Variants in ZSWIM3 observed in about 807,000 individuals in gnomAD.
ZSWIM3 encodes the protein zinc finger SWIM-type containing 3, also known as zinc finger SWIM domain-containing protein 3.
ZSWIM3 carries 27 observed loss-of-function variants against 47.5 expected under a neutral mutation model. The observed-to-expected ratio is 0.57, with a 90% CI of 0.42 to 0.78. ZSWIM3 has a LOEUF of 0.78. Ranked by LOEUF, ZSWIM3 falls within the 30% of genes least tolerant of loss-of-function variation. The probability of loss-of-function intolerance (pLI) is 0.00; values close to 1 mark genes in which losing one functional copy is unlikely to be tolerated. For synonymous variants in ZSWIM3, 333 were observed against 333.9 expected (o/e 1.00, Z 0.03); for missense variants, 689 against 861.3 (o/e 0.80, Z 2.50).
At position 45,877,225 on chromosome 20, in the gene ZSWIM3, C is replaced by G. The variant is rs939955030; in HGVS notation, c.667C>G (p.Leu223Val). 6.2e-7 allele frequency: 1 copy of G among 1,613,972 alleles called. No individual in the cohort carries two copies. Among genetic ancestry groups the G allele is most frequent in the Non-Finnish European group, 8.5e-7 (1 of 1,180,018 alleles). ...LFIRFPENLL[L>V]HRVENTQGHI... ...CATCCGCTTCCCAGAGAATCTCTTGCTACACCGGGTGGAGAACACCCAGGG... is the reference window on the plus strand; with the variant it reads ...CATCCGCTTCCCAGAGAATCTCTTGGTACACCGGGTGGAGAACACCCAGGG... The change falls in exon 2 of 2, where the codon CTA (leucine) becomes GTA (valine). Residue 223 changes from leucine to valine, a missense_variant. Physicochemically the swap from Leu to Val is conservative, Grantham distance 32. Transcript: ENST00000255152.
At chr20:45,875,293 C>G (rs912158107) in intron 1 of ZSWIM3, among the ~76,000 whole-genome samples, 1 of 152,090 alleles carries the variant, frequency 6.6e-6, no homozygotes, top group South Asian at 2.1e-4. Flanking sequence ...TCACCCGCCT[C>G]GGCCTCCCAA....
chr20:45,876,260 G>T (rs886137394), intron 1 of ZSWIM3, among the ~76,000 whole-genome samples: 5 of 151,864 alleles, frequency 3.3e-5, no homozygotes, highest in African/African-American at 1.2e-4. Flanking sequence ...AGTCAGGCTG[G>T]TCTTCAACTC....
At position 45,876,835 on chromosome 20, in the gene ZSWIM3, A is replaced by T; in HGVS notation, c.277A>T (p.Ile93Phe). The T allele has an allele frequency of 8.1e-6, 13 of 1,614,190 alleles. No homozygotes were observed. Among genetic ancestry groups the T allele is most frequent in the South Asian group, 1.1e-5 (1 of 91,086 alleles). The change falls in exon 2 of 2, where the codon ATC (isoleucine) becomes TTC (phenylalanine). Residue 93 changes from isoleucine (I) to phenylalanine (F), a missense_variant. Coordinates refer to ENST00000255152, the MANE Select transcript of ZSWIM3 (RefSeq NM_080752.4). ...RYNERLDRLF[I>F]SELNTQHIHG... is the part of the protein sequence containing the mutation. ...CAACGAGAGACTAGATAGACTATTT[A>T]TCAGTGAACTAAACACACAGCACAT...
In ZSWIM3 at chr20:45,877,573, G is replaced by C; in HGVS notation, c.1015G>C (p.Val339Leu). The C allele has an allele frequency of 1.2e-6, 2 of 1,614,202 alleles. No individual in the cohort carries two copies. The highest frequency in any genetic ancestry group is 1.7e-6 in the Non-Finnish European group (2 of 1,180,040). ...RLMKEALREA[V>L]FVTSEASLKN... Reference sequence around the variant, plus strand: ...CATGAAGGAAGCCCTGCGGGAGGCCGTGTTTGTCACTTCTGAAGCCAGCCT... The same window carrying C: ...CATGAAGGAAGCCCTGCGGGAGGCCCTGTTTGTCACTTCTGAAGCCAGCCT... Residue 339 changes from valine to leucine, a missense_variant, in exon 2 of 2, where the codon GTG (valine) becomes CTG (leucine). Coordinates refer to ENST00000255152, the MANE Select transcript of ZSWIM3 (RefSeq NM_080752.4).
chr20:45,862,307 C>G (rs944395228), intron 1 of ZSWIM3, among the ~76,000 whole-genome samples: 2 of 151,142 alleles, frequency 1.3e-5, no homozygotes, highest in East Asian at 2.0e-4. Context: ...ACCACCCCAC[C>G]CAGCTAATTT....
In ZSWIM3 at chr20:45,877,230, C is replaced by G; in HGVS notation, c.672C>G (p.His224Gln). 1 of 1,614,066 alleles carries G rather than the reference C, an allele frequency of 6.2e-7. No homozygotes were observed. Among genetic ancestry groups the G allele is most frequent in the Non-Finnish European group, 8.5e-7 (1 of 1,180,004 alleles). Residue 224 changes from histidine (H) to glutamine (Q), a missense_variant, in exon 2 of 2, where the codon CAC becomes CAG. By Grantham distance (24) the His-to-Gln change is conservative. Coordinates refer to ENST00000255152, the MANE Select transcript of ZSWIM3 (RefSeq NM_080752.4). ...FIRFPENLLL[H>Q]RVENTQGHIL... ...GCTTCCCAGAGAATCTCTTGCTACA[C>G]CGGGTGGAGAACACCCAGGGCCACA... is the stretch of plus-strand genomic sequence containing the variant.
intron 1 of ZSWIM3, among the ~76,000 whole-genome samples, chr20:45,869,043 C>A (rs1392428496): frequency 3.3e-5 from 5 of 151,906 alleles, no homozygotes; most frequent in African/African-American, 1.2e-4. Flanking sequence ...CTCAGGTGAT[C>A]CACCCGCCTC....
At position 45,857,691 on chromosome 20, in the gene ZSWIM3, AC is replaced by A; in HGVS notation, c.-132del. 9.1e-7 allele frequency: 1 copy of A among 1,100,972 alleles called. No homozygotes were observed. The highest frequency in any genetic ancestry group is 1.3e-6 in the Non-Finnish European group (1 of 760,192). The allele number at this position is 1,100,972 out of a possible 1,614,324, so 68.2% of individuals were successfully genotyped here. On this transcript the variant is annotated 5_prime_UTR_variant, in exon 1 of 2. Coordinates refer to ENST00000255152, the MANE Select transcript of ZSWIM3 (RefSeq NM_080752.4). ...TCCTCCCTGAGTTCCAGAATAGGCC[AC>A]CCAGTTGGGGCGGACCCTTAAGGCA...
intron 1 of ZSWIM3, among the ~76,000 whole-genome samples, chr20:45,873,646 C>G (rs1196558494): frequency 6.6e-6 from 1 of 152,186 alleles, no homozygotes; most frequent in Admixed American, 6.5e-5. Context: ...ATCTTAATAA[C>G]AACCATAAGA....
rs776406063 is a variant in ZSWIM3 at position 45,878,360 on chromosome 20, G to A, written c.1802G>A (p.Arg601His). The A allele has an allele frequency of 9.3e-6, 15 of 1,614,232 alleles. No individual in the cohort carries two copies. The highest frequency in any genetic ancestry group is 1.6e-4 in the Middle Eastern group (1 of 6,062). The change falls in exon 2 of 2, where the codon CGT (arginine) becomes CAT (histidine). Residue 601 changes from arginine to histidine, a missense_variant. Transcript: ENST00000255152. ...GGGCCCAATGGGGAGCTCCAGGATC[G>A]TGGTATGGTCCCAAACACAGGCCAG... Reference protein sequence around the residue: ...LLGPNGELQDRGMVPNTGQPE... With the variant: ...LLGPNGELQDHGMVPNTGQPE...
rs770609478 is a variant in ZSWIM3, at chr20:45,878,520, C to A, written c.1962C>A (p.Gly654=). 1 of 1,614,220 alleles carries A rather than the reference C, an allele frequency of 6.2e-7. No homozygotes were observed. The highest frequency in any genetic ancestry group is 2.2e-5 in the East Asian group (1 of 44,888). Residue 654 remains glycine, a synonymous_variant, in exon 2 of 2, where the codon GGC becomes GGA. Transcript: ENST00000255152. ...GCAAGATTGTGGATATCTGGGCTGG[C>A]CCCTCCCAGCCATCTGAGCTCTTTC... The part of the protein sequence containing the change: ...TLRKIVDIWA[G]PSQPSELFQQ...
At chr20:45,872,620 T>G in intron 1 of ZSWIM3, 4 of 956,540 alleles carry the variant, frequency 4.2e-6, no homozygotes, top group Non-Finnish European at 5.6e-6. Flanking sequence ...TGCACAAAGG[T>G]GAGACAGAGC....
Position 45,878,509 on chromosome 20 carries a change from A to G in ZSWIM3, c.1951A>G (p.Ile651Val), listed in dbSNP as rs1038020173. 4 of 1,614,102 alleles carry G rather than the reference A, an allele frequency of 2.5e-6. No homozygotes were observed. The highest frequency in any genetic ancestry group is 3.4e-6 in the Non-Finnish European group (4 of 1,180,050). ...CTCCACCCTGCGCAAGATTGTGGAT[A>G]TCTGGGCTGGCCCCTCCCAGCCATC... ...RYSTLRKIVD[I>V]WAGPSQPSEL... The change falls in exon 2 of 2, where the codon ATC (isoleucine) becomes GTC (valine). Residue 651 changes from isoleucine (I) to valine (V), a missense_variant. Transcript: ENST00000255152.
At chr20:45,872,689 A>G in intron 1 of ZSWIM3, 1 of 1,281,992 alleles carries the variant, frequency 7.8e-7, no homozygotes, top group Non-Finnish European at 1.0e-6. Context: ...AAACAAGGTG[A>G]TGAAAACAAG....
chr20:45,867,264 C>T (rs1985868861), intron 1 of ZSWIM3, among the ~76,000 whole-genome samples: 1 of 152,076 alleles, frequency 6.6e-6, no homozygotes, highest in South Asian at 2.1e-4. Context: ...ACCTCAGCCT[C>T]CCAAAGTTCT....
chr20:45,878,328 C>G lies in ZSWIM3; in HGVS notation c.1770C>G (p.Tyr590Ter). 1 of 1,614,246 alleles carries G rather than the reference C, an allele frequency of 6.2e-7. No homozygotes were observed. Among genetic ancestry groups the G allele is most frequent in the Non-Finnish European group, 8.5e-7 (1 of 1,180,050 alleles). The change falls in exon 2 of 2, where the codon TAC (tyrosine) becomes TAG (stop). Residue 590 changes from tyrosine (Y) to a stop codon, truncating the protein, a stop_gained. Transcript: ENST00000255152. LOFTEE classifies it high-confidence loss of function. ...GCCGGTGGCAGAAGAAGTACCAGTACCTCCTTGGGCCCAATGGGGAGCTCC... is the reference window on the plus strand; with the variant it reads ...GCCGGTGGCAGAAGAAGTACCAGTAGCTCCTTGGGCCCAATGGGGAGCTCC... Reference protein sequence around the residue: ...VCRRWQKKYQYLLGPNGELQD... With the variant: ...VCRRWQKKYQ
chr20:45,865,642 A>G (rs1240229288), intron 1 of ZSWIM3, among the ~76,000 whole-genome samples: 1 of 152,154 alleles, frequency 6.6e-6, no homozygotes, highest in Non-Finnish European at 1.5e-5. Context: ...GACCTTGGGT[A>G]AAACTTAACC....
At chr20:45,870,170 T>C (rs1261638572) in intron 1 of ZSWIM3, among the ~76,000 whole-genome samples, 1 of 151,578 alleles carries the variant, frequency 6.6e-6, no homozygotes, top group East Asian at 1.9e-4. Context: ...GGTAAAACCC[T>C]GTCTCTACTA....
chr20:45,875,394 T>A (rs1363982815), intron 1 of ZSWIM3, among the ~76,000 whole-genome samples: 1 of 152,126 alleles, frequency 6.6e-6, no homozygotes, highest in Non-Finnish European at 1.5e-5. Context: ...CAGGCTGATC[T>A]CAAGCAGTCC....
Sources: gnomAD v4.1 joint callset for allele counts (sites outside exome capture counted in the v4.1 genomes callset) on GRCh38, gnomAD v4.1.1 for gene constraint, MANE v1.5 for transcripts, NCBI Gene and HGNC (gene_info 2026-07-23, HGNC 2026-07-21) for gene names.